The following KHSRP variants were observed in gnomAD, a reference collection of about 807,000 sequenced individuals.
KHSRP encodes KH-type splicing regulatory protein, also known as far upstream element-binding protein 2.
A neutral mutation model predicts 94.9 loss-of-function variants in KHSRP; 13 were observed. The observed-to-expected ratio is 0.14, with a 90% CI of 0.09 to 0.22. The LOEUF (loss-of-function observed/expected upper bound fraction) is 0.22, where lower values mean the gene tolerates loss of function less well. KHSRP is among the 10% of genes least tolerant of loss of function. The probability of loss-of-function intolerance (pLI) is 1.00; values close to 1 mark genes in which losing one functional copy is unlikely to be tolerated. For missense variants in KHSRP, 710 were observed against 1,010.0 expected (o/e 0.70, Z 4.03); for synonymous variants, 495 against 401.4 (o/e 1.23, Z -2.79).
Position 6,415,887 on chromosome 19 carries a change from C to A in KHSRP, c.1608G>T (p.Gly536=). ...GPPGAPPHAG[G]PPPHQYPPQG... ...GGGGTGGGTACTGGTGAGGAGGGGGCCCCCCGGCACTGCAGGAGAGAAGAA... is the reference window on the plus strand; with the variant it reads ...GGGGTGGGTACTGGTGAGGAGGGGGACCCCCGGCACTGCAGGAGAGAAGAA... Residue 536 remains glycine (G), a synonymous_variant, in exon 16 of 19, where the codon GGG becomes GGT. Coordinates refer to ENST00000600480, the MANE Select transcript of KHSRP (RefSeq NM_001366299.1). 2 of 1,509,416 alleles carry A rather than the reference C, an allele frequency of 1.3e-6. No homozygotes were observed. The highest frequency in any genetic ancestry group is 1.8e-6 in the Non-Finnish European group (2 of 1,126,920). 93.5% of individuals were successfully genotyped at this position (1,509,416 alleles called of 1,614,324 possible).
At chr19:6,421,068 C>T (rs1173452212) in intron 4 of KHSRP, 7 of 591,006 alleles carry the variant, frequency 1.2e-5, no homozygotes, top group South Asian at 8.2e-5. Flanking sequence ...GTGACTGCCA[C>T]GACGCTCCCC....
chr19:6,421,763 T>C, intron 2 of KHSRP, 75 bp from the exon 3 acceptor site: 1 of 1,551,658 alleles, frequency 6.4e-7, no homozygotes, highest in Non-Finnish European at 8.9e-7. Flanking sequence ...TGGTGCCACA[T>C]GTCCAAGGTA....
At position 6,421,626 on chromosome 19, in the gene KHSRP, T is replaced by C. The variant is rs772335086; in HGVS notation, c.385+24A>G. On this transcript the variant is annotated intron_variant, in intron 3 of 18. Transcript: ENST00000600480. ...CCTCAACCCTCTGAAGCCACATATC[T>C]GCCACCAGACCCCCTGGACTTACAG... The C allele has an allele frequency of 8.1e-6, 13 of 1,613,388 alleles. No individual in the cohort carries two copies. The African/African-American group carries it at 1.3e-4, about 17-fold the overall frequency.
Position 6,415,277 on chromosome 19 carries a change from G to T in KHSRP, c.1991C>A (p.Pro664Gln). The T allele has an allele frequency of 6.2e-7, 1 of 1,613,114 alleles. No homozygotes were observed. Among genetic ancestry groups the T allele is most frequent in the South Asian group, 1.1e-5 (1 of 91,086 alleles). ...TGGCTGGGAGCCTGGGGGAGCTCCT[G>T]GACCCCCTCCGGTGGCCACTTGCGC... ...KQAQVATGGG[P>Q]GAPPGSQPDY... Residue 664 changes from proline (P) to glutamine (Q), a missense_variant, in exon 19 of 19, where the codon CCA (proline) becomes CAA (glutamine). Around this residue, in one of 5 missense-constraint regions of KHSRP, gnomAD observed 292 missense variants for 340.5 expected, o/e 0.86. Transcript: ENST00000600480.
At chr19:6,419,484 G>A (rs994206269) in intron 6 of KHSRP, among the ~76,000 whole-genome samples, 9 of 152,202 alleles carry the variant, frequency 5.9e-5, no homozygotes, top group African/African-American at 1.7e-4. Context: ...AAAAGGATGA[G>A]GTGGAGGGAG....
Position 6,421,667 on chromosome 19 carries a change from A to G in KHSRP, c.368T>C (p.Leu123Pro), listed in dbSNP as rs1187478156. 1 of 1,613,810 alleles carries G rather than the reference A, an allele frequency of 6.2e-7. No individual in the cohort carries two copies. Among genetic ancestry groups the G allele is most frequent in the Non-Finnish European group, 8.5e-7 (1 of 1,179,896 alleles). ...GGACTTACAGTCTCCCTGGGAAGCC[A>G]GCTTCTTGCTCTCCGGTTGATCTGG... ...EDGDQPESKK[L>P]ASQGDSISSQ... Residue 123 changes from leucine to proline, a missense_variant, in exon 3 of 19, where the codon CTG becomes CCG. Leu to Pro is a moderately conservative substitution (Grantham distance 98, BLOSUM62 -3). Coordinates refer to ENST00000600480, the MANE Select transcript of KHSRP (RefSeq NM_001366299.1).
chr19:6,420,339 G>C, intron 5 of KHSRP, 83 bp downstream of exon 5: 11 of 1,408,852 alleles, frequency 7.8e-6, no homozygotes, highest in Non-Finnish European at 1.0e-5. Flanking sequence ...TCTCAGACCA[G>C]GGCTTCTGGG....
At position 6,413,406 on chromosome 19, in the gene KHSRP, CCATA is replaced by C. The variant is rs770820682; in HGVS notation, c.*1614_*1617del. 9.6e-6 allele frequency: 4 copies of C among 415,896 alleles called. No homozygotes were observed. The highest frequency in any genetic ancestry group is 4.3e-5 in the African/African-American group (2 of 46,906). The allele number at this position is 415,896 out of a possible 1,614,324, so 25.8% of individuals were successfully genotyped here. ...AACGAGCGATAAAAAGTAAAAACTG[CCATA>C]CAATTTTTTTTGTTGTTCTCATTTT... On this transcript the variant is annotated 3_prime_UTR_variant, in exon 19 of 19. Transcript: ENST00000600480.
chr19:6,419,402 A>C, intron 6 of KHSRP, 142 bp from the exon 7 acceptor site: 1 of 691,884 alleles, frequency 1.4e-6, no homozygotes, highest in Non-Finnish European at 2.3e-6. Flanking sequence ...CTTCCCCTAA[A>C]CACCTGGGAG....
rs760897427 is a variant in KHSRP, at chr19:6,413,449, A to C, written c.*1575T>G. The C allele has an allele frequency of 4.9e-6, 2 of 406,008 alleles. No homozygotes were observed. Among genetic ancestry groups the C allele is most frequent in the South Asian group, 3.4e-5 (2 of 58,872 alleles). The allele number at this position is 406,008 out of a possible 1,614,324, so 25.2% of individuals were successfully genotyped here. ...TGTTCTCATTTTGTTTTCAGTTTCA[A>C]TCTCCTCTTGAACAGATGAAAAGAC... On this transcript the variant is annotated 3_prime_UTR_variant, in exon 19 of 19. Transcript: ENST00000600480.
chr19:6,422,208 G>A (rs896634384), intron 2 of KHSRP, 132 bp downstream of exon 2: 1 of 621,344 alleles, frequency 1.6e-6, no homozygotes, highest in African/African-American at 1.8e-5. Flanking sequence ...GAATTAACAA[G>A]GCCGGGATTG....
chr19:6,422,292 A>G, intron 2 of KHSRP, 48 bp downstream of exon 2: 1 of 1,306,106 alleles, frequency 7.7e-7, no homozygotes, highest in Non-Finnish European at 1.1e-6. Context: ...GCACCTCTTT[A>G]GGCCCCCAGC....
Position 6,413,920 on chromosome 19 carries a change from G to A in KHSRP, c.*1104C>T. On this transcript the variant is annotated 3_prime_UTR_variant, in exon 19 of 19. Coordinates refer to ENST00000600480, the MANE Select transcript of KHSRP (RefSeq NM_001366299.1). ...CAATTTTGAAAGAAAAAGCATGTGA[G>A]ACACAGAACAGGCGAGAGAGTGAGG... is the stretch of plus-strand genomic sequence containing the variant. 1 of 556,892 alleles carries A rather than the reference G, an allele frequency of 1.8e-6. No homozygotes were observed. Among genetic ancestry groups the A allele is most frequent in the East Asian group, 3.4e-5 (1 of 29,238 alleles). 34.5% of individuals were successfully genotyped at this position (556,892 alleles called of 1,614,324 possible). A position where few individuals can be genotyped will look rare whatever the true frequency, so the allele number is the denominator to read the frequency against.
At position 6,416,978 on chromosome 19, in the gene KHSRP, G is replaced by A. The variant is rs371292165; in HGVS notation, c.1182+9C>T. The A allele has an allele frequency of 2.7e-4, 430 of 1,613,542 alleles. No homozygotes were observed. Among genetic ancestry groups the A allele is most frequent in the Non-Finnish European group, 3.5e-4 (415 of 1,179,822 alleles). On this transcript the variant is annotated intron_variant, in intron 12 of 18. Coordinates refer to ENST00000600480, the MANE Select transcript of KHSRP (RefSeq NM_001366299.1). ...CCTGCCAGCCCCTTCAGCACCCGGGGCCACCTACCCTGAGGCTCTGGAGGA... is the reference window on the plus strand; with the variant it reads ...CCTGCCAGCCCCTTCAGCACCCGGGACCACCTACCCTGAGGCTCTGGAGGA...
rs999070631 is a variant in KHSRP, at chr19:6,418,546, G to A, written c.816C>T (p.Asp272=). The A allele has an allele frequency of 1.1e-5, 17 of 1,613,822 alleles. No homozygotes were observed. The highest frequency in any genetic ancestry group is 6.7e-5 in the East Asian group (3 of 44,898). The change falls in exon 9 of 19, where the codon GAC becomes GAT. Residue 272 remains aspartate (D), a synonymous_variant. Coordinates refer to ENST00000600480, the MANE Select transcript of KHSRP (RefSeq NM_001366299.1). The surrounding 1 kb of genome is among the most constrained non-coding windows in gnomAD (Gnocchi z 4.3). The stretch of plus-strand genomic sequence containing the variant: ...TGTCCACATTCGTATTCTGAGATCC[G>A]TCCTGAATTAAGATCATCTTCACTC... The part of the protein sequence containing the change: ...RAGVKMILIQ[D]GSQNTNVDKP...
At chr19:6,424,350 GC>G (rs1400323522) in intron 1 of KHSRP, 102 bp downstream of exon 1, 2 of 420,056 alleles carry the variant, frequency 4.8e-6, no homozygotes, top group Non-Finnish European at 6.4e-6. Flanking sequence ...GACGGCCCCG[GC>G]CCCCCTCCGC....
At chr19:6,421,517 C>T (rs1485000818) in intron 3 of KHSRP, 133 bp downstream of exon 3, 10 of 1,119,198 alleles carry the variant, frequency 8.9e-6, no homozygotes, top group South Asian at 2.6e-5. Flanking sequence ...ATCCCTCAAA[C>T]GTATGGGCCC....
Position 6,413,376 on chromosome 19 carries a change from T to C in KHSRP, c.*1648A>G. ...GTTTTGTTATCATTTATTTGTGAAG[T>C]TAAAAACGAGCGATAAAAAGTAAAA... is the stretch of plus-strand genomic sequence containing the variant. On this transcript the variant is annotated 3_prime_UTR_variant, in exon 19 of 19. Transcript: ENST00000600480. 9.7e-6 allele frequency: 4 copies of C among 411,278 alleles called. No individual in the cohort carries two copies. The highest frequency in any genetic ancestry group is 6.8e-5 in the South Asian group (4 of 58,840). The allele number at this position is 411,278 out of a possible 1,614,324, so 25.5% of individuals were successfully genotyped here.
chr19:6,419,293 T>G, intron 6 of KHSRP, 33 bp from the exon 7 acceptor site: 1 of 1,538,476 alleles, frequency 6.5e-7, no homozygotes, highest in Non-Finnish European at 8.8e-7. Flanking sequence ...GTGCCCTCCC[T>G]GGCCCACAGG....
Sources: allele counts gnomAD v4.1 joint callset (sites outside exome capture counted in the v4.1 genomes callset), GRCh38; gene constraint gnomAD v4.1.1; regional missense constraint gnomAD v4.1.1; non-coding constraint Gnocchi (gnomAD v3.1); transcripts MANE v1.5; gene names NCBI Gene and HGNC (gene_info 2026-07-23, HGNC 2026-07-21).